INPP5B: variants seen among roughly 807,000 people sequenced by gnomAD.
INPP5B encodes the protein inositol polyphosphate-5-phosphatase B, also known as type II inositol 1,4,5-trisphosphate 5-phosphatase.
A neutral mutation model predicts 118.5 loss-of-function variants in INPP5B; 90 were observed. The observed-to-expected ratio is 0.76, with a 90% CI of 0.64 to 0.90. The LOEUF (loss-of-function observed/expected upper bound fraction) is 0.90, where lower values mean the gene tolerates loss of function less well. Among genes scored for constraint, INPP5B ranks in the 40% least tolerant of loss-of-function variants. The pLI, the probability that INPP5B is intolerant of heterozygous loss-of-function variation, is 0.00. For missense variants in INPP5B, 984 were observed against 1,125.6 expected, an observed-to-expected ratio of 0.87 and a Z score of 1.80; for synonymous variants, 385 against 418.9, an observed-to-expected ratio of 0.92 and a Z score of 0.99.
intron 7 of INPP5B, among the ~76,000 whole-genome samples, chr1:37,894,338 C>T (rs1643937825): frequency 6.6e-6 from 1 of 152,090 alleles, no homozygotes; most frequent in Admixed American, 6.6e-5. Flanking sequence ...TTCCATAGCT[C>T]CCTGTACTCC....
chr1:37,866,022 T>C (rs1291083871), intron 21 of INPP5B, 134 bp from the exon 22 acceptor site: 1 of 1,406,110 alleles, frequency 7.1e-7, no homozygotes, highest in East Asian at 2.6e-5. Flanking sequence ...CAGCCTAACT[T>C]CTCGAAGGGA....
chr1:37,869,333 T>TG (rs368913719), intron 19 of INPP5B, among the ~76,000 whole-genome samples: 26 of 151,246 alleles, frequency 1.7e-4, no homozygotes, highest in African/African-American at 6.3e-4. Context: ...AATTTTGAGG[T>TG]GGGGTCTCGC....
At chr1:37,878,389 C>T (rs893303078) in intron 15 of INPP5B, 66 bp from the exon 16 acceptor site, 1 of 1,592,516 alleles carries the variant, frequency 6.3e-7, no homozygotes, top group African/African-American at 1.3e-5. Flanking sequence ...TGGCGAGTGC[C>T]CTGGCTCAGG....
In INPP5B at chr1:37,861,875, A is replaced by C. The variant is rs1420935554; in HGVS notation, c.*440T>G. 6.4e-6 allele frequency: 1 copy of C among 156,706 alleles called. No homozygotes were observed. Among genetic ancestry groups the C allele is most frequent in the Non-Finnish European group, 1.4e-5 (1 of 71,486 alleles). 9.7% of individuals were successfully genotyped at this position (156,706 alleles called of 1,614,324 possible). A position where few individuals can be genotyped will look rare whatever the true frequency, so the allele number is the denominator to read the frequency against. ...ACACGGTGAAACCCCGTCTCTACTA[A>C]AATGCAAAAAATTAGCTGGGCGTGG... On this transcript the variant is annotated 3_prime_UTR_variant, in exon 24 of 24. Coordinates refer to ENST00000373024, the MANE Select transcript of INPP5B (RefSeq NM_005540.3).
chr1:37,931,861 T>A (rs1557716310), intron 7 of INPP5B, 52 bp downstream of exon 7: 2 of 1,611,994 alleles, frequency 1.2e-6, no homozygotes, highest in East Asian at 2.2e-5. Context: ...GCCCGCCCCC[T>A]GTGGCCGGGC....
intron 7 of INPP5B, among the ~76,000 whole-genome samples, chr1:37,922,053 T>C (rs1476663167): frequency 6.7e-6 from 1 of 150,194 alleles, no homozygotes; most frequent in Non-Finnish European, 1.5e-5. Context: ...TAAATAAAAA[T>C]GAGCTGGGTG....
At chr1:37,885,532 C>T (rs1220040088) in intron 13 of INPP5B, 106 bp downstream of exon 13, 5 of 893,470 alleles carry the variant, frequency 5.6e-6, no homozygotes, top group Non-Finnish European at 8.8e-6. Context: ...GAGCTACCAC[C>T]ATTGCAGCAA....
chr1:37,881,067 A>G (rs1643170593), intron 14 of INPP5B, among the ~76,000 whole-genome samples: 1 of 152,242 alleles, frequency 6.6e-6, no homozygotes, highest in South Asian at 2.1e-4. Flanking sequence ...GGGCCTGAGT[A>G]TCATCTTACT....
chr1:37,864,505 A>G (rs1357379022), intron 22 of INPP5B, 82 bp from the exon 23 acceptor site: 2 of 780,446 alleles, frequency 2.6e-6, no homozygotes. Context: ...AACTGTATAC[A>G]CGATCCAAGT....
chr1:37,909,492 G>A (rs1172320460), intron 7 of INPP5B, among the ~76,000 whole-genome samples: 1 of 152,120 alleles, frequency 6.6e-6, no homozygotes, highest in Non-Finnish European at 1.5e-5. Context: ...GGTGGCTGGA[G>A]CTGAAGGCAT....
intron 16 of INPP5B, among the ~76,000 whole-genome samples, chr1:37,877,668 A>G (rs1642926497): frequency 6.6e-6 from 1 of 152,238 alleles, no homozygotes; most frequent in Admixed American, 6.5e-5. Context: ...GGGTGGTCAC[A>G]ACAGCACTGT....
chr1:37,880,009 G>A (rs906213078), intron 15 of INPP5B, 76 bp downstream of exon 15: 2 of 862,804 alleles, frequency 2.3e-6, no homozygotes, highest in South Asian at 3.1e-5. Flanking sequence ...TTCTTCCTTA[G>A]GTCCAAAAGG....
At chr1:37,943,382 G>A (rs1435649422) in intron 5 of INPP5B, among the ~76,000 whole-genome samples, 3 of 152,250 alleles carry the variant, frequency 2.0e-5, no homozygotes, top group East Asian at 1.9e-4. Context: ...GTGAAGAGAT[G>A]TGAGGCTTGC....
At chr1:37,878,063 T>C (rs780492209) in intron 16 of INPP5B, 125 bp downstream of exon 16, 171 of 1,122,252 alleles carry the variant, frequency 1.5e-4, no homozygotes, top group Non-Finnish European at 2.1e-4. Flanking sequence ...TTGTTTTAAA[T>C]TGTCCTAAAA....
intron 7 of INPP5B, among the ~76,000 whole-genome samples, chr1:37,920,975 G>A (rs866137298): frequency 1.3e-5 from 2 of 151,982 alleles, no homozygotes; most frequent in South Asian, 2.1e-4. Context: ...GCGTGGTGGC[G>A]GGCGCCTGTA....
chr1:37,920,382 T>A (rs1242048854), intron 7 of INPP5B, among the ~76,000 whole-genome samples: 1 of 152,130 alleles, frequency 6.6e-6, no homozygotes, highest in Non-Finnish European at 1.5e-5. Context: ...AAGAAGAATG[T>A]GGCCGGGAGC....
intron 20 of INPP5B, among the ~76,000 whole-genome samples, chr1:37,867,507 G>C (rs1203751251): frequency 1.3e-5 from 2 of 152,054 alleles, no homozygotes; most frequent in Non-Finnish European, 2.9e-5. Context: ...ACCTTTCCAG[G>C]CATCTGTTTC....
chr1:37,931,364 G>A (rs577333404), intron 7 of INPP5B: 6 of 1,282,928 alleles, frequency 4.7e-6, no homozygotes, highest in Middle Eastern at 1.9e-4. Flanking sequence ...CTCAGATGGA[G>A]CAACAGGCCC....
rs375324242 is a variant in INPP5B at position 37,945,758 on chromosome 1, G to T, written c.150C>A (p.His50Gln). The T allele has an allele frequency of 3.7e-5, 59 of 1,612,992 alleles. No homozygotes were observed. The highest frequency in any genetic ancestry group is 5.0e-5 in the Non-Finnish European group (59 of 1,179,252). ...TGGGGACCAAGCCCCTCACTCACGC[G>T]TGTTCCTGGCCGCCGTGCTCCAGGC... ...RYRLEHGGQE[H>Q]ALFLYTHRRM... is the part of the protein sequence containing the mutation. Residue 50 changes from histidine to glutamine, a missense_variant and splice_region_variant, in exon 3 of 24, where the codon CAC becomes CAA. Around this residue, in one of 2 missense-constraint regions of INPP5B, gnomAD observed 350 missense variants for 334.6 expected, o/e 1.05. Coordinates refer to ENST00000373024, the MANE Select transcript of INPP5B (RefSeq NM_005540.3).
Sources: gnomAD v4.1 joint callset for allele counts (sites outside exome capture counted in the v4.1 genomes callset) on GRCh38, gnomAD v4.1.1 for gene constraint, gnomAD v4.1.1 regional missense constraint, MANE v1.5 for transcripts, NCBI Gene and HGNC (gene_info 2026-07-23, HGNC 2026-07-21) for gene names.